The following PTPN14 variants were observed in gnomAD, a reference collection of about 807,000 sequenced individuals.
PTPN14 encodes the protein tyrosine-protein phosphatase non-receptor type 14.
In PTPN14, 53 loss-of-function variants were observed where a neutral mutation model predicts 126.8. The ratio of observed to expected loss-of-function variants is 0.42; its 90% CI spans 0.34 to 0.53. The LOEUF (loss-of-function observed/expected upper bound fraction) is 0.53, where lower values mean the gene tolerates loss of function less well. Ranked by LOEUF, PTPN14 falls within the 20% of genes least tolerant of loss-of-function variation. The pLI, the probability that PTPN14 is intolerant of heterozygous loss-of-function variation, is 0.08. For missense variants in PTPN14, 1,257 were observed against 1,552.9 expected, an observed-to-expected ratio of 0.81 and a Z score of 3.20; for synonymous variants, 630 against 599.3, an observed-to-expected ratio of 1.05 and a Z score of -0.75.
intron 16 of PTPN14, among the ~76,000 whole-genome samples, chr1:214,372,009 A>G (rs1658229577): frequency 6.6e-6 from 1 of 152,232 alleles, no homozygotes; most frequent in African/African-American, 2.4e-5. Context: ...AATTTAATGA[A>G]AGAAATAAAA....
intron 1 of PTPN14, chr1:214,532,413 C>A: frequency 2.8e-6 from 2 of 718,322 alleles, no homozygotes; most frequent in South Asian, 2.9e-5. Context: ...AGGAGGCATC[C>A]AGAACGAGAA....
intron 1 of PTPN14, among the ~76,000 whole-genome samples, chr1:214,542,274 T>G (rs953014674): frequency 1.3e-5 from 2 of 152,252 alleles, no homozygotes; most frequent in Non-Finnish European, 2.9e-5. Flanking sequence ...AAGAAAGATT[T>G]TAAGCAGGAG....
chr1:214,484,339 G>T (rs1661065704), intron 1 of PTPN14, among the ~76,000 whole-genome samples: 1 of 152,216 alleles, frequency 6.6e-6, no homozygotes, highest in Admixed American at 6.5e-5. Context: ...GGGAGATCAA[G>T]GCTGCAATGA....
At chr1:214,425,270 T>C (rs904785747) in intron 3 of PTPN14, among the ~76,000 whole-genome samples, 4 of 152,198 alleles carry the variant, frequency 2.6e-5, no homozygotes, top group Non-Finnish European at 5.9e-5. Flanking sequence ...TAAAAAAGAA[T>C]GCTTTTCTGG....
At chr1:214,520,950 C>A (rs755533472) in intron 1 of PTPN14, among the ~76,000 whole-genome samples, 29 of 152,106 alleles carry the variant, frequency 1.9e-4, no homozygotes, top group Non-Finnish European at 3.7e-4. Flanking sequence ...CTAAAATTGC[C>A]TTCCGTCTTT....
At chr1:214,377,818 A>G in intron 14 of PTPN14, 141 bp downstream of exon 14, 2 of 1,072,186 alleles carry the variant, frequency 1.9e-6, no homozygotes, top group Non-Finnish European at 2.7e-6. Context: ...AATGCAACAC[A>G]GTTATACCTG....
chr1:214,464,526 C>T (rs1307556495), intron 2 of PTPN14, 104 bp downstream of exon 2: 1 of 1,442,652 alleles, frequency 6.9e-7, no homozygotes. Context: ...CCAAAAAACA[C>T]AACAGATGCC....
At chr1:214,535,757 C>T (rs1019120429) in intron 1 of PTPN14, among the ~76,000 whole-genome samples, 1 of 143,738 alleles carries the variant, frequency 7.0e-6, no homozygotes, top group Non-Finnish European at 1.5e-5. Flanking sequence ...CCAGTCTGGG[C>T]AACAGAGCAA....
At chr1:214,484,450 G>A (rs1661068972) in intron 1 of PTPN14, among the ~76,000 whole-genome samples, 1 of 152,290 alleles carries the variant, frequency 6.6e-6, no homozygotes, top group South Asian at 2.1e-4. Context: ...GGAATTAGAA[G>A]TTAGGAGATG....
Position 214,383,367 on chromosome 1 carries a change from C to T in PTPN14, c.2488G>A (p.Val830Met), listed in dbSNP as rs1236049129. The T allele has an allele frequency of 6.2e-7, 1 of 1,614,224 alleles. No homozygotes were observed. The highest frequency in any genetic ancestry group is 1.3e-5 in the African/African-American group (1 of 75,062). The change falls in exon 13 of 19, where the codon GTG (valine) becomes ATG (methionine). Residue 830 changes from valine to methionine, a missense_variant. By Grantham distance (21) the Val-to-Met change is conservative. Around this residue, in one of 3 missense-constraint regions of PTPN14, gnomAD observed 1,021 missense variants for 1,183.3 expected, o/e 0.86. Transcript: ENST00000366956. This position sits in a 1 kb window ranked among gnomAD's most constrained non-coding sequence, Gnocchi z 4.4. ...TCTTCCAGGGAAAACATTTCAGACACAGGTCTCTCCTTCACAGGCTCTTTT... is the reference window on the plus strand; with the variant it reads ...TCTTCCAGGGAAAACATTTCAGACATAGGTCTCTCCTTCACAGGCTCTTTT... ...VKKEPVKERP[V>M]SEMFSLEDSI... is the part of the protein sequence containing the mutation.
Position 214,391,033 on chromosome 1 carries a change from A to T in PTPN14, c.942T>A (p.Ser314=), listed in dbSNP as rs200646754. ...TGGGCTGGCGTCTGATGGGGGGTGGAGAATTTGACTGTCTACATGAAGAGG... is the reference window on the plus strand; with the variant it reads ...TGGGCTGGCGTCTGATGGGGGGTGGTGAATTTGACTGTCTACATGAAGAGG... ...QNKICTEQSN[S]PPPIRRQPTW... is the part of the protein sequence containing the mutation. The change falls in exon 11 of 19, where the codon TCT becomes TCA. Residue 314 remains serine, a synonymous_variant. Transcript: ENST00000366956. 1.9e-6 allele frequency: 3 copies of T among 1,586,754 alleles called. No individual in the cohort carries two copies. The African/African-American group carries it at 4.0e-5, about 21-fold the overall frequency.
chr1:214,533,344 T>C (rs1655603134), intron 1 of PTPN14: 3 of 491,394 alleles, frequency 6.1e-6, no homozygotes, highest in Non-Finnish European at 1.1e-5. Context: ...CGGTGAGGAC[T>C]TCAATCTTCA....
intron 1 of PTPN14, among the ~76,000 whole-genome samples, chr1:214,505,018 T>C (rs1017608204): frequency 3.7e-4 from 56 of 152,276 alleles, no homozygotes; most frequent in Admixed American, 8.5e-4. Context: ...AAAAAGTAGA[T>C]GAATTCTGTC....
At chr1:214,495,426 G>T (rs10864108) in intron 1 of PTPN14, among the ~76,000 whole-genome samples, 62,019 of 151,958 alleles carry the variant, frequency 0.41, 13,291 homozygotes, top group Middle Eastern at 0.48. Flanking sequence ...AAAAGGACAT[G>T]TGAAAGATGA....
chr1:214,397,009 C>T (rs1197825428), intron 8 of PTPN14, among the ~76,000 whole-genome samples: 1 of 152,202 alleles, frequency 6.6e-6, no homozygotes, highest in African/African-American at 2.4e-5. Flanking sequence ...GTCACTCCTG[C>T]TTCAATAATG....
chr1:214,414,420 T>G (rs764914274), intron 4 of PTPN14, among the ~76,000 whole-genome samples: 24 of 152,210 alleles, frequency 1.6e-4, no homozygotes, highest in Non-Finnish European at 2.9e-4. Flanking sequence ...TATACAAGCA[T>G]GAGCAGTTTG....
At chr1:214,501,012 A>T (rs1654676137) in intron 1 of PTPN14, among the ~76,000 whole-genome samples, 1 of 152,208 alleles carries the variant, frequency 6.6e-6, no homozygotes, top group Non-Finnish European at 1.5e-5. Context: ...GCAGCTTGAG[A>T]AAACTAAATA....
chr1:214,504,979 G>A (rs1426566378), intron 1 of PTPN14, among the ~76,000 whole-genome samples: 2 of 152,038 alleles, frequency 1.3e-5, no homozygotes, highest in East Asian at 3.9e-4. Flanking sequence ...ACCAAGGTAG[G>A]GAATATAGGA....
chr1:214,418,936 A>C (rs917547676), intron 3 of PTPN14, among the ~76,000 whole-genome samples: 7 of 152,218 alleles, frequency 4.6e-5, no homozygotes, highest in Non-Finnish European at 7.3e-5. Context: ...AGAGTTTCTG[A>C]TTGTAGGCTC....
Sources: allele counts gnomAD v4.1 joint callset (sites outside exome capture counted in the v4.1 genomes callset), GRCh38; gene constraint gnomAD v4.1.1; regional missense constraint gnomAD v4.1.1; non-coding constraint Gnocchi (gnomAD v3.1); transcripts MANE v1.5; gene names NCBI Gene and HGNC (gene_info 2026-07-23, HGNC 2026-07-21).